Variants in SPRED1 observed in about 807,000 individuals in gnomAD.
SPRED1 encodes sprouty related EVH1 domain containing 1, also known as sprouty-related, EVH1 domain-containing protein 1.
SPRED1 carries 18 observed loss-of-function variants against 52.3 expected under a neutral mutation model. That is an observed-to-expected ratio of 0.34 (90% CI 0.24 to 0.51). The LOEUF is 0.51. SPRED1 is among the 20% of genes least tolerant of loss of function. The probability of loss-of-function intolerance (pLI) is 0.97; values close to 1 mark genes in which losing one functional copy is unlikely to be tolerated. For missense variants in SPRED1, 485 were observed against 551.0 expected (o/e 0.88, Z 1.20); for synonymous variants, 155 against 179.7 (o/e 0.86, Z 1.10).
At chr15:38,314,299 A>C (rs765357860) in intron 2 of SPRED1, among the ~76,000 whole-genome samples, 1 of 151,768 alleles carries the variant, frequency 6.6e-6, no homozygotes, top group Admixed American at 6.6e-5. Context: ...TGTTACTCTG[A>C]TTATAGATTT....
At chr15:38,281,726 T>C (rs756277066) in intron 1 of SPRED1, among the ~76,000 whole-genome samples, 3 of 152,074 alleles carry the variant, frequency 2.0e-5, no homozygotes, top group Non-Finnish European at 4.4e-5. Flanking sequence ...CATACACTGC[T>C]CTGTTTCTTA....
At chr15:38,293,099 C>CGTTTTTTTTTTTT (rs1894958159) in intron 1 of SPRED1, among the ~76,000 whole-genome samples, 1 of 90,724 alleles carries the variant, frequency 1.1e-5, no homozygotes, top group Non-Finnish European at 2.0e-5. Flanking sequence ...AAGATTACAA[C>CGTTTTTTTTTTTT]TTTTTTTTTT....
At chr15:38,298,001 A>G (rs1319847805) in intron 1 of SPRED1, among the ~76,000 whole-genome samples, 1 of 152,208 alleles carries the variant, frequency 6.6e-6, no homozygotes, top group Non-Finnish European at 1.5e-5. Flanking sequence ...TTATGTCCAG[A>G]ATATATTTTA....
chr15:38,334,943 A>G (rs948610820), intron 4 of SPRED1, among the ~76,000 whole-genome samples: 2 of 151,976 alleles, frequency 1.3e-5, no homozygotes, highest in Non-Finnish European at 2.9e-5. Context: ...CAACAGCGCA[A>G]AAAAGTATTT....
Position 38,339,764 on chromosome 15 carries a change from C to A in SPRED1, c.451C>A (p.Leu151Ile). 6.2e-7 allele frequency: 1 copy of A among 1,613,852 alleles called. No homozygotes were observed. Among genetic ancestry groups the A allele is most frequent in the Non-Finnish European group, 8.5e-7 (1 of 1,179,900 alleles). ...AAATGAAGAGGATTCTTCCAGTTCTCTAGTGAAGGATCACCTTTTTCAGCA... is the reference window on the plus strand; with the variant it reads ...AAATGAAGAGGATTCTTCCAGTTCTATAGTGAAGGATCACCTTTTTCAGCA... Reference protein sequence around the residue: ...QANEEDSSSSLVKDHLFQQET... With the variant: ...QANEEDSSSSIVKDHLFQQET... Residue 151 changes from leucine (L) to isoleucine (I), a missense_variant, in exon 5 of 7, where the codon CTA (leucine) becomes ATA (isoleucine). By Grantham distance (5) the Leu-to-Ile change is conservative. Transcript: ENST00000299084.
chr15:38,282,451 G>T (rs1280188231), intron 1 of SPRED1, among the ~76,000 whole-genome samples: 2 of 151,578 alleles, frequency 1.3e-5, no homozygotes, highest in Non-Finnish European at 2.9e-5. Flanking sequence ...AGGTTGCAGT[G>T]ACCAGAGATT....
At chr15:38,296,680 A>G (rs1385691008) in intron 1 of SPRED1, among the ~76,000 whole-genome samples, 1 of 152,116 alleles carries the variant, frequency 6.6e-6, no homozygotes, top group Non-Finnish European at 1.5e-5. Context: ...CCAAAATATA[A>G]CCAAATCTCT....
chr15:38,267,343 T>C (rs148526058), intron 1 of SPRED1, among the ~76,000 whole-genome samples: 30 of 152,062 alleles, frequency 2.0e-4, no homozygotes, highest in African/African-American at 6.3e-4. Context: ...AAATAACATT[T>C]TTAAGGAGCA....
chr15:38,349,826 A>T (rs1030384063), intron 6 of SPRED1, among the ~76,000 whole-genome samples: 3 of 152,158 alleles, frequency 2.0e-5, no homozygotes, highest in Admixed American at 1.3e-4. Flanking sequence ...CTTAGCCCTA[A>T]TTCCATGTAT....
rs751138842 is a variant in SPRED1, at chr15:38,324,799, A to G, written c.413A>G (p.Asp138Gly). The G allele has an allele frequency of 1.2e-6, 2 of 1,612,114 alleles. No individual in the cohort carries two copies. Among genetic ancestry groups the G allele is most frequent in the African/African-American group, 1.3e-5 (1 of 75,030 alleles). The change falls in exon 4 of 7, where the codon GAT (aspartate) becomes GGT (glycine). Residue 138 changes from aspartate to glycine, a missense_variant. Physicochemically the swap from Asp to Gly is moderately conservative, Grantham distance 94 (BLOSUM62 -1). This residue lies in a region of SPRED1 where 232 missense variants were observed against 231.8 expected (regional missense o/e 1.00). Coordinates refer to ENST00000299084, the MANE Select transcript of SPRED1 (RefSeq NM_152594.3). ...PESKNEAEGA[D>G]DLQANEEDSS... ...TCAAAAAATGAAGCTGAAGGGGCAGATGACTTACAAGTAAGTAATGGCTTG... is the reference window on the plus strand; with the variant it reads ...TCAAAAAATGAAGCTGAAGGGGCAGGTGACTTACAAGTAAGTAATGGCTTG...
intron 2 of SPRED1, among the ~76,000 whole-genome samples, chr15:38,310,146 TG>T (rs1566863200): frequency 1.5e-4 from 20 of 137,308 alleles, no homozygotes; most frequent in African/African-American, 1.6e-4. Flanking sequence ...TGTGTGTGTG[TG>T]TGTGTGTTTG....
At chr15:38,293,099 C>CTTTTTTTCTTT (rs1894958377) in intron 1 of SPRED1, among the ~76,000 whole-genome samples, 1 of 90,724 alleles carries the variant, frequency 1.1e-5, no homozygotes, top group African/African-American at 4.2e-5. Flanking sequence ...AAGATTACAA[C>CTTTTTTTCTTT]TTTTTTTTTT....
At chr15:38,262,320 A>C (rs1235759445) in intron 1 of SPRED1, among the ~76,000 whole-genome samples, 1 of 152,204 alleles carries the variant, frequency 6.6e-6, no homozygotes, top group Non-Finnish European at 1.5e-5. Flanking sequence ...GATACTTCTG[A>C]AATGTGATGG....
intron 2 of SPRED1, among the ~76,000 whole-genome samples, chr15:38,304,880 AT>A (rs1469628178): frequency 6.6e-6 from 1 of 151,024 alleles, no homozygotes; most frequent in East Asian, 1.9e-4. Flanking sequence ...GTATTTTTTT[AT>A]TGTTTTCTTT....
At chr15:38,301,008 G>A (rs1895139650) in intron 2 of SPRED1, among the ~76,000 whole-genome samples, 1 of 152,060 alleles carries the variant, frequency 6.6e-6, no homozygotes, top group Admixed American at 6.6e-5. Flanking sequence ...GAATACAAAG[G>A]TAGTAGAAAG....
At chr15:38,313,245 T>G (rs933250845) in intron 2 of SPRED1, among the ~76,000 whole-genome samples, 1 of 152,070 alleles carries the variant, frequency 6.6e-6, no homozygotes, top group South Asian at 2.1e-4. Context: ...AATGTTCTTA[T>G]GACAATTTTG....
intron 4 of SPRED1, among the ~76,000 whole-genome samples, chr15:38,327,942 T>G (rs1455664394): frequency 6.6e-6 from 1 of 152,212 alleles, no homozygotes; most frequent in Non-Finnish European, 1.5e-5. Context: ...AAAAGAAAAC[T>G]CTTAAATTTA....
chr15:38,269,018 C>T (rs1894371761), intron 1 of SPRED1, among the ~76,000 whole-genome samples: 2 of 149,844 alleles, frequency 1.3e-5, no homozygotes, highest in Non-Finnish European at 3.0e-5. Context: ...TCGGCTACTG[C>T]AAGCCCCGCT....
chr15:38,293,696 T>A (rs1214074673), intron 1 of SPRED1, among the ~76,000 whole-genome samples: 1 of 152,190 alleles, frequency 6.6e-6, no homozygotes, highest in Non-Finnish European at 1.5e-5. Flanking sequence ...CGTGATAAAA[T>A]AGAGTACTAA....
Sources: allele counts gnomAD v4.1 joint callset (sites outside exome capture counted in the v4.1 genomes callset), GRCh38; gene constraint gnomAD v4.1.1; regional missense constraint gnomAD v4.1.1; transcripts MANE v1.5; gene names NCBI Gene and HGNC (gene_info 2026-07-23, HGNC 2026-07-21).